The following PTBP2 variants were observed in gnomAD, a reference collection of about 807,000 sequenced individuals.
PTBP2 encodes polypyrimidine tract binding protein 2.
PTBP2 carries 13 observed loss-of-function variants against 61.4 expected under a neutral mutation model. The observed-to-expected ratio is 0.21, with a 90% CI of 0.14 to 0.34. The LOEUF (loss-of-function observed/expected upper bound fraction) is 0.34, where lower values mean the gene tolerates loss of function less well. PTBP2 is among the 10% of genes least tolerant of loss of function. PTBP2 has a pLI of 1.00. For synonymous variants in PTBP2, 215 were observed against 218.5 expected, an observed-to-expected ratio of 0.98 and a Z score of 0.14; for missense variants, 405 against 642.6, an observed-to-expected ratio of 0.63 and a Z score of 4.00.
chr1:96,810,189 C>T (rs1210366798), intron 11 of PTBP2, among the ~76,000 whole-genome samples: 1 of 152,082 alleles, frequency 6.6e-6, no homozygotes, highest in African/African-American at 2.4e-5. Context: ...TACATTAAAT[C>T]AAAAATGTCA....
At chr1:96,745,686 A>T (rs1216789513) in intron 2 of PTBP2, among the ~76,000 whole-genome samples, 1 of 152,040 alleles carries the variant, frequency 6.6e-6, no homozygotes, top group African/African-American at 2.4e-5. Context: ...GTTTTATAAT[A>T]CTCATTGCTG....
Position 96,749,397 on chromosome 1 carries a change from T to C in PTBP2, c.40-2028T>C, listed in dbSNP as rs1446218386. Among the ~76,000 whole-genome samples, 4 of 152,320 alleles carry C rather than the reference T, an allele frequency of 2.6e-5. No homozygotes were observed. In the Middle Eastern group the frequency reaches 0.01, roughly 389 times the overall value. ...AGAGGTCAAGTATATTTTTGAAAAC[T>C]AGGAGAGTTAAAGTGTTTTTGTGAA... On this transcript the variant is annotated intron_variant, in intron 2 of 13. Coordinates refer to ENST00000674951, the MANE Select transcript of PTBP2 (RefSeq NM_021190.4).
intron 5 of PTBP2, among the ~76,000 whole-genome samples, chr1:96,773,956 C>CT (rs1010954435): frequency 1.7e-4 from 21 of 126,298 alleles, no homozygotes; most frequent in African/African-American, 6.1e-4. Context: ...GAGCGAGACT[C>CT]TGTCTCAAAA....
intron 8 of PTBP2, among the ~76,000 whole-genome samples, chr1:96,787,090 G>A (rs1049246413): frequency 1.3e-5 from 2 of 151,940 alleles, no homozygotes; most frequent in African/African-American, 2.4e-5. Context: ...GCGCAGTCTC[G>A]GCTCACTGCA....
rs374591876 is a variant in PTBP2, at chr1:96,767,438, A to G, written c.116-2265A>G. On this transcript the variant is annotated intron_variant, in intron 3 of 13. Transcript: ENST00000674951. ...ACAGACCAAATTAGGAGAAACTGAA[A>G]TTTGCTTTTTTGAGTATCCTGATAC... Among the ~76,000 whole-genome samples the G allele has an allele frequency of 3.3e-5, 5 of 152,022 alleles. No individual in the cohort carries two copies. The East Asian group carries it at 7.7e-4, about 24-fold the overall frequency.
At chr1:96,728,676 T>C (rs916977327) in intron 2 of PTBP2, among the ~76,000 whole-genome samples, 2 of 152,204 alleles carry the variant, frequency 1.3e-5, no homozygotes, top group African/African-American at 2.4e-5. Context: ...CTGAGTCCTT[T>C]GTATTTTCAT....
chr1:96,811,911 G>C (rs533343319), intron 11 of PTBP2, among the ~76,000 whole-genome samples: 1 of 152,172 alleles, frequency 6.6e-6, no homozygotes, highest in African/African-American at 2.4e-5. Flanking sequence ...GTCATGTAAT[G>C]TTCTGTTTTC....
intron 2 of PTBP2, among the ~76,000 whole-genome samples, chr1:96,750,039 T>C (rs1025001923): frequency 6.6e-6 from 1 of 152,058 alleles, no homozygotes; most frequent in Admixed American, 6.6e-5. Flanking sequence ...TCTTAAACTT[T>C]AGCATGCATC....
intron 8 of PTBP2, among the ~76,000 whole-genome samples, chr1:96,798,669 G>T (rs1013975404): frequency 6.6e-6 from 1 of 152,000 alleles, no homozygotes; most frequent in Non-Finnish European, 1.5e-5. Flanking sequence ...GGAGATACTG[G>T]AACAACAAAA....
At chr1:96,744,029 A>G (rs1373089099) in intron 2 of PTBP2, among the ~76,000 whole-genome samples, 1 of 152,136 alleles carries the variant, frequency 6.6e-6, no homozygotes, top group Non-Finnish European at 1.5e-5. Context: ...CGTCTCTACT[A>G]AAAATACAAA....
intron 3 of PTBP2, among the ~76,000 whole-genome samples, chr1:96,751,929 A>G (rs1170530020): frequency 2.6e-5 from 4 of 152,088 alleles, no homozygotes; most frequent in South Asian, 4.1e-4. Context: ...CATTGCAACC[A>G]TAGTTGCTAT....
chr1:96,811,817 G>C (rs1242955449), intron 11 of PTBP2, among the ~76,000 whole-genome samples: 1 of 152,210 alleles, frequency 6.6e-6, no homozygotes, highest in Non-Finnish European at 1.5e-5. Context: ...TAGTTATTTT[G>C]ACTGGTGAAT....
At chr1:96,735,169 T>TGGCTTCCCAAA (rs1368828471) in intron 2 of PTBP2, among the ~76,000 whole-genome samples, 1 of 152,094 alleles carries the variant, frequency 6.6e-6, no homozygotes, top group Non-Finnish European at 1.5e-5. Flanking sequence ...CTGCCCACCT[T>TGGCTTCCCAAA]GGCTTCCCAA....
chr1:96,801,345 C>T (rs552122984), intron 8 of PTBP2, among the ~76,000 whole-genome samples: 58 of 152,114 alleles, frequency 3.8e-4, no homozygotes, highest in African/African-American at 1.3e-3. Context: ...AATTTTTGAG[C>T]ACTCCATATG....
At chr1:96,773,678 T>C (rs1048772488) in intron 5 of PTBP2, among the ~76,000 whole-genome samples, 6 of 152,062 alleles carry the variant, frequency 3.9e-5, no homozygotes, top group Admixed American at 2.0e-4. Context: ...AAACTCCCTT[T>C]AGAATTTCTG....
At chr1:96,744,025 T>C (rs1454623527) in intron 2 of PTBP2, among the ~76,000 whole-genome samples, 1 of 152,092 alleles carries the variant, frequency 6.6e-6, no homozygotes, top group Non-Finnish European at 1.5e-5. Context: ...ACCCCGTCTC[T>C]ACTAAAAATA....
rs200329598 is a variant in PTBP2 at position 96,812,321 on chromosome 1, CAG to C, written c.1172-389_1172-388del. Among the ~76,000 whole-genome samples, 1,344 of 152,240 alleles carry C rather than the reference CAG, an allele frequency of 8.8e-3. 13 individuals are homozygous for C. Among genetic ancestry groups the C allele is most frequent in the Admixed American group, 0.014 (219 of 15,292 alleles). ...ATAATGTCAGCGAGAAGTAGAGAAA[CAG>C]ATCATGAATTTGAGGGACAATTAGG... On this transcript the variant is annotated intron_variant, in intron 11 of 13. Transcript: ENST00000674951.
At chr1:96,738,118 T>C (rs372588994) in intron 2 of PTBP2, among the ~76,000 whole-genome samples, 7 of 152,310 alleles carry the variant, frequency 4.6e-5, no homozygotes, top group Admixed American at 1.3e-4. Context: ...GTAAGACATA[T>C]GTGTTTGCTA....
At chr1:96,746,556 C>G (rs1055166196) in intron 2 of PTBP2, among the ~76,000 whole-genome samples, 1 of 151,646 alleles carries the variant, frequency 6.6e-6, no homozygotes, top group Non-Finnish European at 1.5e-5. Flanking sequence ...TAAAAAATTG[C>G]TGGGGGCGGT....
Sources: gnomAD v4.1 joint callset for allele counts (sites outside exome capture counted in the v4.1 genomes callset) on GRCh38, gnomAD v4.1.1 for gene constraint, MANE v1.5 for transcripts, NCBI Gene and HGNC (gene_info 2026-07-23, HGNC 2026-07-21) for gene names.